The following PLEKHM3 variants were observed in gnomAD, a reference collection of about 807,000 sequenced individuals.
PLEKHM3 encodes the protein pleckstrin homology domain containing M3.
A neutral mutation model predicts 81.8 loss-of-function variants in PLEKHM3; 45 were observed. The observed-to-expected ratio is 0.55, with a 90% CI of 0.43 to 0.71. The LOEUF (loss-of-function observed/expected upper bound fraction) is 0.71. Among genes scored for constraint, PLEKHM3 ranks in the 30% least tolerant of loss-of-function variants. PLEKHM3 has a pLI of 0.00. For missense variants in PLEKHM3, 788 were observed against 924.3 expected, an observed-to-expected ratio of 0.85 and a Z score of 1.91; for synonymous variants, 352 against 356.4, an observed-to-expected ratio of 0.99 and a Z score of 0.14.
At chr2:207,870,811 A>G (rs2092529797) in intron 6 of PLEKHM3, among the ~76,000 whole-genome samples, 1 of 152,218 alleles carries the variant, frequency 6.6e-6, no homozygotes, top group South Asian at 2.1e-4. Context: ...CCTTAAAAAT[A>G]GAAAATGAAA....
At chr2:207,954,088 A>G (rs1293283903) in intron 3 of PLEKHM3, among the ~76,000 whole-genome samples, 1 of 152,168 alleles carries the variant, frequency 6.6e-6, no homozygotes, top group Non-Finnish European at 1.5e-5. Context: ...TTTGGAGACC[A>G]AGATGGGAGG....
intron 7 of PLEKHM3, among the ~76,000 whole-genome samples, chr2:207,852,074 G>A (rs2092415924): frequency 1.3e-5 from 2 of 152,158 alleles, no homozygotes; most frequent in African/African-American, 4.8e-5. Context: ...CAAATAAAAT[G>A]ACATTTCAAA....
intron 3 of PLEKHM3, among the ~76,000 whole-genome samples, chr2:207,973,880 T>C (rs1691211082): frequency 6.6e-6 from 1 of 152,202 alleles, no homozygotes; most frequent in Non-Finnish European, 1.5e-5. Flanking sequence ...ACAGCTTTTC[T>C]TTCTTTTCTT....
intron 4 of PLEKHM3, among the ~76,000 whole-genome samples, chr2:207,945,694 G>A (rs6743711): frequency 0.2 from 30,432 of 152,104 alleles, 3,631 homozygotes; most frequent in Middle Eastern, 0.34. Context: ...TTGAGGTCAC[G>A]AGTTTGAGAC....
In PLEKHM3 at chr2:207,826,904, G is replaced by A. The variant is rs1233833871; in HGVS notation, c.*1415C>T. The A allele has an allele frequency of 6.6e-6, 1 of 152,112 alleles. No individual in the cohort carries two copies. Among genetic ancestry groups the A allele is most frequent in the Non-Finnish European group, 1.5e-5 (1 of 68,040 alleles). 9.4% of individuals were successfully genotyped at this position (152,112 alleles called of 1,614,324 possible). A position where few individuals can be genotyped will look rare whatever the true frequency, so the allele number is the denominator to read the frequency against. On this transcript the variant is annotated 3_prime_UTR_variant, in exon 8 of 8. Transcript: ENST00000427836. ...AGGGAGAGTTAAGGGGAAGGAATGG[G>A]AGCTGTCAGGGTCCCAGGGCTGTCC...
At chr2:207,915,990 A>G (rs887483205) in intron 5 of PLEKHM3, among the ~76,000 whole-genome samples, 1 of 152,224 alleles carries the variant, frequency 6.6e-6, no homozygotes, top group African/African-American at 2.4e-5. Flanking sequence ...TGAAATAGTT[A>G]CATTAGGCTG....
chr2:207,866,445 C>G (rs1048661292), intron 6 of PLEKHM3, among the ~76,000 whole-genome samples: 2 of 152,172 alleles, frequency 1.3e-5, no homozygotes, highest in African/African-American at 4.8e-5. Context: ...GTGTGAGCCA[C>G]TGGGCCTGGC....
In PLEKHM3 at chr2:207,861,120, T is replaced by G. The variant is rs1384394004; in HGVS notation, c.2093A>C (p.Asp698Ala). ...NNGEILYPFE[D>A]ISTSRCESCG... ...TATTCTGTACCTGCTTGTTGAAATATCCTCAAAAGGGTAGAGGATCTCTCC... is the reference window on the plus strand; with the variant it reads ...TATTCTGTACCTGCTTGTTGAAATAGCCTCAAAAGGGTAGAGGATCTCTCC... The change falls in exon 7 of 8, where the codon GAT becomes GCT. Residue 698 changes from aspartate to alanine, a missense_variant. Coordinates refer to ENST00000427836, the MANE Select transcript of PLEKHM3 (RefSeq NM_001080475.3). The G allele has an allele frequency of 6.2e-7, 1 of 1,613,176 alleles. No homozygotes were observed. Among genetic ancestry groups the G allele is most frequent in the Admixed American group, 1.7e-5 (1 of 59,738 alleles).
At chr2:207,895,378 A>G (rs1688189985) in intron 6 of PLEKHM3, among the ~76,000 whole-genome samples, 1 of 152,206 alleles carries the variant, frequency 6.6e-6, no homozygotes, top group South Asian at 2.1e-4. Flanking sequence ...GAGGCAGAGA[A>G]AAGAGAAAAA....
chr2:208,023,929 G>A (rs1052159893), intron 1 of PLEKHM3, among the ~76,000 whole-genome samples: 16 of 151,988 alleles, frequency 1.1e-4, no homozygotes, highest in Non-Finnish European at 2.1e-4. Context: ...TAAGCCTTGA[G>A]CTCAGGAGTT....
At chr2:207,989,625 C>A (rs934544601) in intron 2 of PLEKHM3, among the ~76,000 whole-genome samples, 2 of 152,198 alleles carry the variant, frequency 1.3e-5, no homozygotes, top group African/African-American at 4.8e-5. Context: ...GCCTGGCAGA[C>A]CTTCTGATTG....
chr2:207,923,146 G>A (rs1689242547), intron 5 of PLEKHM3, among the ~76,000 whole-genome samples: 1 of 152,118 alleles, frequency 6.6e-6, no homozygotes, highest in Non-Finnish European at 1.5e-5. Context: ...AGATGACAGA[G>A]AACCTTGAAA....
At chr2:207,991,747 C>G (rs975583683) in intron 2 of PLEKHM3, among the ~76,000 whole-genome samples, 4 of 152,004 alleles carry the variant, frequency 2.6e-5, no homozygotes, top group Admixed American at 2.6e-4. Context: ...CACTTTGTAC[C>G]AATGATGGGA....
intron 7 of PLEKHM3, among the ~76,000 whole-genome samples, chr2:207,832,942 T>TGG (rs2092296573): frequency 6.6e-6 from 1 of 151,310 alleles, no homozygotes; most frequent in Non-Finnish European, 1.5e-5. Flanking sequence ...TGAAACCCTG[T>TGG]CTCTACTAAA....
intron 7 of PLEKHM3, among the ~76,000 whole-genome samples, chr2:207,831,423 G>C (rs1454416941): frequency 6.6e-6 from 1 of 152,192 alleles, no homozygotes; most frequent in Non-Finnish European, 1.5e-5. Flanking sequence ...CCATCGCATA[G>C]GGAAACGTAG....
intron 4 of PLEKHM3, among the ~76,000 whole-genome samples, chr2:207,936,312 A>C (rs1689750568): frequency 6.6e-6 from 1 of 152,138 alleles, no homozygotes; most frequent in South Asian, 2.1e-4. Flanking sequence ...CTTTCACTGG[A>C]ATAAGAGCAT....
At chr2:207,857,415 C>T (rs1043379107) in intron 7 of PLEKHM3, among the ~76,000 whole-genome samples, 6 of 152,192 alleles carry the variant, frequency 3.9e-5, no homozygotes, top group African/African-American at 1.2e-4. Context: ...CTGGATATCT[C>T]ATTCTGGAGA....
In PLEKHM3 at chr2:207,891,297, A is replaced by T. The variant is rs1163887215; in HGVS notation, c.1950+17217T>A. ...CTCTTGTTAAGGGATTTTGAATTGC[A>T]GCCCTCATGGGGCATTCACTATATG... is the stretch of plus-strand genomic sequence containing the variant. On this transcript the variant is annotated intron_variant, in intron 6 of 7. Coordinates refer to ENST00000427836, the MANE Select transcript of PLEKHM3 (RefSeq NM_001080475.3). Among the ~76,000 whole-genome samples, 3 of 152,374 alleles carry T rather than the reference A, an allele frequency of 2.0e-5. No individual in the cohort carries two copies. In the East Asian group the frequency reaches 5.8e-4, roughly 29 times the overall value.
chr2:207,914,340 A>G (rs1337821027), intron 5 of PLEKHM3, among the ~76,000 whole-genome samples: 1 of 152,014 alleles, frequency 6.6e-6, no homozygotes, highest in Non-Finnish European at 1.5e-5. Flanking sequence ...TACTAAAAAT[A>G]TAAAAAAATT....
Sources: allele counts gnomAD v4.1 joint callset (sites outside exome capture counted in the v4.1 genomes callset), GRCh38; gene constraint gnomAD v4.1.1; transcripts MANE v1.5; gene names NCBI Gene and HGNC (gene_info 2026-07-23, HGNC 2026-07-21).